The following MAGI2 variants were observed in gnomAD, a reference collection of about 807,000 sequenced individuals.
MAGI2 encodes the protein membrane-associated guanylate kinase, WW and PDZ domain-containing protein 2.
MAGI2 carries 35 observed loss-of-function variants against 133.3 expected under a neutral mutation model. The observed-to-expected ratio is 0.26, with a 90% CI of 0.20 to 0.35. MAGI2 has a LOEUF of 0.35. MAGI2 is among the 10% of genes least tolerant of loss of function. The pLI is 1.00. For missense variants in MAGI2, 1,636 were observed against 1,863.4 expected, an observed-to-expected ratio of 0.88 and a Z score of 2.25; for synonymous variants, 729 against 710.6, an observed-to-expected ratio of 1.03 and a Z score of -0.41.
chr7:78,282,038 T>G, intron 9 of MAGI2, among the ~76,000 whole-genome samples: 1 of 69,200 alleles, frequency 1.4e-5, no homozygotes, highest in African/African-American at 1.0e-4. Context: ...ACCATTGAAT[T>G]GCCTTTGCAA....
chr7:78,863,342 T>C (rs543587557), intron 2 of MAGI2, among the ~76,000 whole-genome samples: 5 of 152,112 alleles, frequency 3.3e-5, no homozygotes, highest in Non-Finnish European at 7.4e-5. Flanking sequence ...AAATTGTGCA[T>C]CTGGTGAAAG....
chr7:78,682,596 C>T (rs1415672939), intron 2 of MAGI2, among the ~76,000 whole-genome samples: 2 of 152,134 alleles, frequency 1.3e-5, no homozygotes, highest in African/African-American at 4.8e-5. Flanking sequence ...TGTATATGTG[C>T]CACAGTTTCT....
Position 79,340,780 on chromosome 7 carries a change from G to T in MAGI2, c.301+112240C>A, listed in dbSNP as rs188452567. 3.3e-5 allele frequency among the ~76,000 whole-genome samples: 5 copies of T among 152,156 alleles called. No homozygotes were observed. The East Asian group carries it at 7.7e-4, about 24-fold the overall frequency. ...AACGTGTGTATATGAATGTCCAGAA[G>T]TGCCTTTGGGCTTCATAACTCAATA... On this transcript the variant is annotated intron_variant, in intron 1 of 21. Transcript: ENST00000354212.
chr7:78,461,936 A>AG lies in MAGI2; in HGVS notation c.1045+27824_1045+27825insC, dbSNP rs1563034102. The stretch of plus-strand genomic sequence containing the variant: ...CGTCTCAAAAAAAAAAAAAAAAAAA[A>AG]AAAAAAAAAAAGAAAGAAAGAAACA... On this transcript the variant is annotated intron_variant, in intron 6 of 21. Coordinates refer to ENST00000354212, the MANE Select transcript of MAGI2 (RefSeq NM_012301.4). Among the ~76,000 whole-genome samples, 241 of 99,580 alleles carry AG rather than the reference A, an allele frequency of 2.4e-3. 3 individuals are homozygous for AG. Among genetic ancestry groups the AG allele is most frequent in the Middle Eastern group, 0.016 (3 of 186 alleles). 65.3% of individuals were successfully genotyped at this position (99,580 alleles called of 152,430 possible). A position where few individuals can be genotyped will look rare whatever the true frequency, so the allele number is the denominator to read the frequency against.
intron 2 of MAGI2, among the ~76,000 whole-genome samples, chr7:78,637,567 A>G (rs1809810726): frequency 6.6e-6 from 1 of 152,248 alleles, no homozygotes; most frequent in Admixed American, 6.5e-5. Context: ...TTATTTTCAT[A>G]TACCAAGCTA....
chr7:78,053,642 G>C (rs1391753906), intron 21 of MAGI2, among the ~76,000 whole-genome samples: 1 of 152,186 alleles, frequency 6.6e-6, no homozygotes, highest in Non-Finnish European at 1.5e-5. Flanking sequence ...AGGACCAGAT[G>C]GTTTCTGGCT....
intron 20 of MAGI2, among the ~76,000 whole-genome samples, chr7:78,085,464 A>G (rs556040975): frequency 1.3e-5 from 2 of 151,992 alleles, no homozygotes; most frequent in South Asian, 4.2e-4. Flanking sequence ...TCGAGGCTGC[A>G]GTGAGCCATG....
intron 1 of MAGI2, among the ~76,000 whole-genome samples, chr7:79,195,717 A>C (rs942972748): frequency 1.3e-5 from 2 of 152,042 alleles, no homozygotes; most frequent in South Asian, 4.2e-4. Context: ...CTCCTAGGCA[A>C]GCTCTCTACA....
intron 13 of MAGI2, among the ~76,000 whole-genome samples, chr7:78,178,701 A>G (rs954756753): frequency 2.0e-5 from 3 of 152,164 alleles, no homozygotes; most frequent in Admixed American, 1.3e-4. Context: ...ATTGAGGTTC[A>G]AGAAGCATTT....
chr7:78,814,181 G>A (rs1053549898), intron 2 of MAGI2, among the ~76,000 whole-genome samples: 2 of 152,138 alleles, frequency 1.3e-5, no homozygotes, highest in Non-Finnish European at 2.9e-5. Flanking sequence ...GTGGTGGAAA[G>A]GCACTCCCAT....
chr7:79,172,130 G>T (rs968241340), intron 1 of MAGI2, among the ~76,000 whole-genome samples: 2 of 151,916 alleles, frequency 1.3e-5, no homozygotes, highest in East Asian at 3.9e-4. Flanking sequence ...GAAGAGGGCA[G>T]GAAAGGAAAA....
intron 3 of MAGI2, among the ~76,000 whole-genome samples, chr7:78,592,326 G>A (rs1804090569): frequency 6.8e-6 from 1 of 147,492 alleles, no homozygotes; most frequent in Admixed American, 7.0e-5. Flanking sequence ...GGACCAGAGA[G>A]TAAATAGTAG....
chr7:78,380,273 C>G (rs763252999), intron 6 of MAGI2, among the ~76,000 whole-genome samples: 1 of 151,672 alleles, frequency 6.6e-6, no homozygotes, highest in Non-Finnish European at 1.5e-5. Context: ...AGAGTTAAGT[C>G]ATATATAACA....
intron 12 of MAGI2, among the ~76,000 whole-genome samples, chr7:78,191,226 T>A (rs1828179978): frequency 6.6e-6 from 1 of 151,428 alleles, no homozygotes; most frequent in African/African-American, 2.4e-5. Flanking sequence ...GGGAAATAAT[T>A]CTTTTTTTTT....
At chr7:78,734,279 T>A (rs748618620) in intron 2 of MAGI2, among the ~76,000 whole-genome samples, 27 of 152,166 alleles carry the variant, frequency 1.8e-4, no homozygotes, top group Non-Finnish European at 3.2e-4. Context: ...TTTCCTTTAT[T>A]TTTGTAATAG....
chr7:78,540,924 T>C (rs941254149), intron 3 of MAGI2, among the ~76,000 whole-genome samples: 3 of 152,242 alleles, frequency 2.0e-5, no homozygotes, highest in Non-Finnish European at 4.4e-5. Context: ...CCTCTCACAC[T>C]TTGGGCACTC....
At chr7:79,262,654 G>C (rs970767965) in intron 1 of MAGI2, among the ~76,000 whole-genome samples, 5 of 152,188 alleles carry the variant, frequency 3.3e-5, no homozygotes, top group African/African-American at 1.2e-4. Flanking sequence ...TACAAAGTGA[G>C]TTGCTAGACC....
chr7:78,055,583 C>T (rs1193504653), intron 21 of MAGI2, among the ~76,000 whole-genome samples: 2 of 152,294 alleles, frequency 1.3e-5, no homozygotes, highest in Admixed American at 6.5e-5. Context: ...AAACCACCGA[C>T]ACCTCCCAGA....
intron 20 of MAGI2, among the ~76,000 whole-genome samples, chr7:78,114,640 G>A (rs1583973556): frequency 1.3e-5 from 2 of 152,210 alleles, no homozygotes; most frequent in Admixed American, 6.5e-5. Flanking sequence ...GTGCTGAGGT[G>A]ACAGTGTGTG....
Sources: gnomAD v4.1 joint callset for allele counts (sites outside exome capture counted in the v4.1 genomes callset) on GRCh38, gnomAD v4.1.1 for gene constraint, MANE v1.5 for transcripts, NCBI Gene and HGNC (gene_info 2026-07-23, HGNC 2026-07-21) for gene names.